EIF2B1: variants seen among roughly 807,000 people sequenced by gnomAD.
The protein encoded by EIF2B1 is translation initiation factor eIF2B subunit alpha.
In EIF2B1, 30 loss-of-function variants were observed where a neutral mutation model predicts 36.8. The ratio of observed to expected loss-of-function variants is 0.81; its 90% CI spans 0.61 to 1.10. The LOEUF is 1.10. Among genes scored for constraint, EIF2B1 ranks in the 50% least tolerant of loss-of-function variants. The probability of loss-of-function intolerance (pLI) is 0.00; values close to 1 mark genes in which losing one functional copy is unlikely to be tolerated. For synonymous variants in EIF2B1, 139 were observed against 142.2 expected, an observed-to-expected ratio of 0.98 and a Z score of 0.16; for missense variants, 271 against 374.8, an observed-to-expected ratio of 0.72 and a Z score of 2.29.
chr12:123,633,096 C>G (rs1311763004), intron 1 of EIF2B1, among the ~76,000 whole-genome samples: 1 of 151,636 alleles, frequency 6.6e-6, no homozygotes, highest in African/African-American at 2.4e-5. Flanking sequence ...CTCCTGCACC[C>G]CTCCAGACAG....
chr12:123,633,279 T>G (rs1010052082), intron 1 of EIF2B1, among the ~76,000 whole-genome samples: 4 of 150,288 alleles, frequency 2.7e-5, no homozygotes, highest in Admixed American at 2.0e-4. Flanking sequence ...CATTCTAATT[T>G]TAATGACAGA....
chr12:123,633,465 C>T (rs1566218986), intron 1 of EIF2B1, 80 bp downstream of exon 1: 3 of 1,595,216 alleles, frequency 1.9e-6, no homozygotes, highest in East Asian at 2.2e-5. Flanking sequence ...TCTTCGGGAG[C>T]TCAGCCTGGA....
chr12:123,627,322 C>T (rs1198949222), intron 4 of EIF2B1, among the ~76,000 whole-genome samples, 166 bp from the exon 5 acceptor site: 1 of 152,174 alleles, frequency 6.6e-6, no homozygotes. Context: ...ATCCCATGTG[C>T]AAGCTAAAAA....
At chr12:123,633,099 C>A (rs1349170880) in intron 1 of EIF2B1, among the ~76,000 whole-genome samples, 1 of 151,656 alleles carries the variant, frequency 6.6e-6, no homozygotes, top group African/African-American at 2.4e-5. Flanking sequence ...CTGCACCCCT[C>A]CAGACAGTCT....
chr12:123,620,613 T>TAA lies in EIF2B1; in HGVS notation c.*1142_*1143insTT, dbSNP rs1955067857. The TAA allele has an allele frequency of 2.8e-5, 2 of 71,058 alleles. No homozygotes were observed. Among genetic ancestry groups the TAA allele is most frequent in the African/African-American group, 1.0e-4 (2 of 19,828 alleles). 4.4% of individuals were successfully genotyped at this position (71,058 alleles called of 1,614,324 possible). A position where few individuals can be genotyped will look rare whatever the true frequency, so the allele number is the denominator to read the frequency against. On this transcript the variant is annotated 3_prime_UTR_variant, in exon 9 of 9. Transcript: ENST00000424014. ...ATATATATATATATATATATATATA[T>TAA]ATATATATATATATAAGCTCTTTTT...
intron 2 of EIF2B1, 90 bp downstream of exon 2, chr12:123,632,255 G>T: frequency 3.3e-6 from 3 of 908,184 alleles, no homozygotes. Context: ...GTGACAGAGT[G>T]AGGCTCCGTC....
chr12:123,624,828 C>CA lies in EIF2B1; in HGVS notation c.585dup (p.Gly196TrpfsTer3), dbSNP rs2135761807. On this transcript the variant is annotated frameshift_variant, in exon 7 of 9. Coordinates refer to ENST00000424014, the MANE Select transcript of EIF2B1 (RefSeq NM_001414.4). LOFTEE classifies it high-confidence loss of function. The stretch of plus-strand genomic sequence containing the variant: ...CCGTTTTCAACAACTCCTTCAGCAC[C>CA]AACTATGACAAGATCTGCTTTCTCC... 6.2e-7 allele frequency: 1 copy of CA among 1,614,004 alleles called. No homozygotes were observed. Among genetic ancestry groups the CA allele is most frequent in the Non-Finnish European group, 8.5e-7 (1 of 1,179,970 alleles).
chr12:123,632,199 C>T (rs1474168659), intron 2 of EIF2B1, 146 bp downstream of exon 2: 6 of 642,750 alleles, frequency 9.3e-6, no homozygotes, highest in East Asian at 5.6e-5. Context: ...ACCCAGGAGG[C>T]GGAGGTTGCA....
rs142418988 is a variant in EIF2B1 at position 123,631,546 on chromosome 12, C to T, written c.115+799G>A. The stretch of plus-strand genomic sequence containing the variant: ...AAATTTGGCCGGGCCCGGTGGCTCA[C>T]GCCTGCAATCCCAGCACTTTGGGAG... On this transcript the variant is annotated intron_variant, in intron 2 of 8. Transcript: ENST00000424014. Among the ~76,000 whole-genome samples, 395 of 152,240 alleles carry T rather than the reference C, an allele frequency of 2.6e-3. 3 individuals carry two copies. Among genetic ancestry groups the T allele is most frequent in the African/African-American group, 9.0e-3 (374 of 41,564 alleles).
intron 4 of EIF2B1, chr12:123,629,920 T>C (rs999289359): frequency 1.2e-5 from 7 of 577,500 alleles, no homozygotes; most frequent in Admixed American, 8.9e-5. Flanking sequence ...ACTTACTAAG[T>C]GCCAGGCACA....
intron 5 of EIF2B1, 177 bp downstream of exon 5, chr12:123,626,867 C>A (rs910914347): frequency 1.4e-6 from 1 of 717,286 alleles, no homozygotes; most frequent in Admixed American, 2.0e-5. Context: ...TCATATACTG[C>A]GGCCTGCTGC....
intron 6 of EIF2B1, among the ~76,000 whole-genome samples, chr12:123,625,466 G>C (rs1955141645): frequency 6.6e-6 from 1 of 152,036 alleles, no homozygotes; most frequent in African/African-American, 2.4e-5. Flanking sequence ...CTGAACTCTA[G>C]CGATCCACCT....
rs755139254 is a variant in EIF2B1, at chr12:123,632,345, C to T, written c.115G>A (p.Gly39Arg). The T allele has an allele frequency of 1.3e-6, 2 of 1,599,608 alleles. No homozygotes were observed. Among genetic ancestry groups the T allele is most frequent in the Non-Finnish European group, 1.7e-6 (2 of 1,167,570 alleles). ...TLLEFLKRDKGETIQGLRANL... is the reference protein window; with the variant it reads ...TLLEFLKRDKRETIQGLRANL... ...TGTTAACAGATGACTCTCTATATAC[C>T]TTTATCTCTCTTCAAGAACTCCAGC... Residue 39 changes from glycine to arginine, a missense_variant and splice_region_variant, in exon 2 of 9, where the codon GGG (glycine) becomes AGG (arginine). Transcript: ENST00000424014.
Position 123,622,759 on chromosome 12 carries a change from A to C in EIF2B1, c.630T>G (p.Ile210Met). The change falls in exon 8 of 9, where the codon ATT (isoleucine) becomes ATG (methionine). Residue 210 changes from isoleucine (I) to methionine (M), a missense_variant and splice_region_variant. Ile to Met is a conservative substitution (Grantham distance 10, BLOSUM62 1). Transcript: ENST00000424014. The stretch of plus-strand genomic sequence containing the variant: ...CACACACAGCCATCTGGTTGGTTCC[A>C]ATCTGGGAAGGCAGAAAATGGAATG... ...VVENGGIINK[I>M]GTNQMAVCAK... 5 of 1,613,924 alleles carry C rather than the reference A, an allele frequency of 3.1e-6. No individual in the cohort carries two copies. Among genetic ancestry groups the C allele is most frequent in the East Asian group, 2.2e-5 (1 of 44,876 alleles).
Position 123,632,376 on chromosome 12 carries a change from C to G in EIF2B1, c.84G>C (p.Arg28=). 6.2e-7 allele frequency: 1 copy of G among 1,613,702 alleles called. No homozygotes were observed. Among genetic ancestry groups the G allele is most frequent in the African/African-American group, 1.3e-5 (1 of 74,996 alleles). The change falls in exon 2 of 9, where the codon CGG becomes CGC. Residue 28 remains arginine, a synonymous_variant. Transcript: ENST00000424014. ...CTCTCTTCAAGAACTCCAGCAACGT[C>G]CGGATGGCAGCCACTGCTGAGGCCA... ...PDMASAVAAI[R]TLLEFLKRDK... is the part of the protein sequence containing the mutation.
chr12:123,622,284 C>T (rs1955108385), intron 8 of EIF2B1, among the ~76,000 whole-genome samples: 1 of 152,150 alleles, frequency 6.6e-6, no homozygotes, highest in Non-Finnish European at 1.5e-5. Context: ...ACTGCTATGC[C>T]ATTTTACAGA....
At chr12:123,631,439 G>A (rs1258135551) in intron 2 of EIF2B1, among the ~76,000 whole-genome samples, 4 of 152,044 alleles carry the variant, frequency 2.6e-5, no homozygotes, top group Admixed American at 6.6e-5. Flanking sequence ...TTGGGAGGGC[G>A]AGGCGGACGG....
At position 123,632,501 on chromosome 12, in the gene EIF2B1, A is replaced by G. The variant is rs1324249079; in HGVS notation, c.14-55T>C. 5 of 1,205,466 alleles carry G rather than the reference A, an allele frequency of 4.1e-6. No individual in the cohort carries two copies. In the African/African-American group the frequency reaches 6.0e-5, roughly 14 times the overall value. 74.7% of individuals were successfully genotyped at this position (1,205,466 alleles called of 1,614,324 possible). ...AATTCATTTAGCAGCCTATAAGGCA[A>G]GAGAGCTTGTTAATGACTGTTGACT... On this transcript the variant is annotated intron_variant, in intron 1 of 8. Coordinates refer to ENST00000424014, the MANE Select transcript of EIF2B1 (RefSeq NM_001414.4).
At chr12:123,625,673 A>G (rs745318007) in intron 6 of EIF2B1, among the ~76,000 whole-genome samples, 9 of 152,228 alleles carry the variant, frequency 5.9e-5, no homozygotes, top group Non-Finnish European at 1.2e-4. Flanking sequence ...AAATACACTG[A>G]CAATCCCAGG....
Sources: allele counts gnomAD v4.1 joint callset (sites outside exome capture counted in the v4.1 genomes callset), GRCh38; gene constraint gnomAD v4.1.1; transcripts MANE v1.5; gene names NCBI Gene and HGNC (gene_info 2026-07-23, HGNC 2026-07-21).